The following QKI variants were observed in gnomAD, a reference collection of about 807,000 sequenced individuals.
QKI encodes KH domain-containing RNA-binding protein QKI.
A neutral mutation model predicts 39.0 loss-of-function variants in QKI; 10 were observed. The ratio of observed to expected loss-of-function variants is 0.26; its 90% CI spans 0.16 to 0.43. The LOEUF (loss-of-function observed/expected upper bound fraction) is 0.43, where lower values mean the gene tolerates loss of function less well. QKI is among the 20% of genes least tolerant of loss of function. The probability of loss-of-function intolerance (pLI) is 1.00; values close to 1 mark genes in which losing one functional copy is unlikely to be tolerated. For synonymous variants in QKI, 204 were observed against 155.4 expected (o/e 1.31, Z -2.33); for missense variants, 218 against 428.0 (o/e 0.51, Z 4.33).
intron 7 of QKI, chr6:163,570,000 G>T (rs973093694): frequency 1.7e-5 from 17 of 986,140 alleles, no homozygotes; most frequent in African/African-American, 3.5e-5. Flanking sequence ...AGTGCAAAAG[G>T]CCTGGCCATT....
At chr6:163,456,070 T>C (rs1790886437) in intron 2 of QKI, among the ~76,000 whole-genome samples, 1 of 152,226 alleles carries the variant, frequency 6.6e-6, no homozygotes, top group Admixed American at 6.5e-5. Flanking sequence ...TCTTTTGGCT[T>C]TTAGAATAAG....
chr6:163,417,180 C>T (rs1342046585), intron 1 of QKI, among the ~76,000 whole-genome samples: 1 of 152,070 alleles, frequency 6.6e-6, no homozygotes, highest in Non-Finnish European at 1.5e-5. Context: ...AAATAACACT[C>T]TTACTGTCTT....
chr6:163,460,333 G>A (rs1394343983), intron 2 of QKI, among the ~76,000 whole-genome samples: 1 of 152,218 alleles, frequency 6.6e-6, no homozygotes, highest in African/African-American at 2.4e-5. Context: ...CAAAGGTTTT[G>A]TAAGACAGAC....
At chr6:163,521,179 T>C (rs767078740) in intron 3 of QKI, among the ~76,000 whole-genome samples, 17 of 152,136 alleles carry the variant, frequency 1.1e-4, no homozygotes, top group Non-Finnish European at 2.4e-4. Context: ...CATCCGAATA[T>C]CAGCCCATGA....
intron 1 of QKI, among the ~76,000 whole-genome samples, chr6:163,445,514 T>A (rs186771913): frequency 1.3e-5 from 2 of 152,350 alleles, no homozygotes; most frequent in East Asian, 3.9e-4. Flanking sequence ...TGGGTTTGTT[T>A]GATGTGTTCT....
At chr6:163,462,989 C>T (rs1562457532) in intron 2 of QKI, among the ~76,000 whole-genome samples, 1 of 152,120 alleles carries the variant, frequency 6.6e-6, no homozygotes, top group Non-Finnish European at 1.5e-5. Context: ...ATCAGTAAAA[C>T]ATATGAAAAT....
chr6:163,447,865 A>G (rs2128217296), intron 1 of QKI, among the ~76,000 whole-genome samples: 1 of 152,228 alleles, frequency 6.6e-6, no homozygotes, highest in South Asian at 2.1e-4. Context: ...CTACTCTCCT[A>G]ATAGGTGATT....
intron 3 of QKI, among the ~76,000 whole-genome samples, chr6:163,520,343 G>A (rs1780071872): frequency 6.6e-6 from 1 of 152,026 alleles, no homozygotes; most frequent in Admixed American, 6.6e-5. Context: ...ATAATGTATA[G>A]AATATGTAAA....
rs2128254910 is a variant in QKI, at chr6:163,576,672, A to C, written c.*5962A>C. ...TGAAATGCAATAAACCAACTGGAAA[A>C]AGTGCATGTGCTTCATCCTCTCAAG... On this transcript the variant is annotated 3_prime_UTR_variant, in exon 8 of 8. Coordinates refer to ENST00000361752, the MANE Select transcript of QKI (RefSeq NM_006775.3). 1 of 152,272 alleles carries C rather than the reference A, an allele frequency of 6.6e-6. No homozygotes were observed. Among genetic ancestry groups the C allele is most frequent in the East Asian group, 1.9e-4 (1 of 5,188 alleles). The allele number at this position is 152,272 out of a possible 1,614,324, so 9.4% of individuals were successfully genotyped here.
At position 163,534,768 on chromosome 6, in the gene QKI, T is replaced by C. The variant is rs561429259; in HGVS notation, c.403-214T>C. Among the ~76,000 whole-genome samples the C allele has an allele frequency of 3.9e-5, 6 of 152,338 alleles. No individual in the cohort carries two copies. The East Asian group carries it at 1.2e-3, about 29-fold the overall frequency. ...TCTGTGCCTGGTAGATAGTAAGTGC[T>C]CAGTAAATACTTGTTGGATTAATTA... is the stretch of plus-strand genomic sequence containing the variant. On this transcript the variant is annotated intron_variant, in intron 3 of 7. Transcript: ENST00000361752.
chr6:163,540,298 T>G (rs1781433950), intron 4 of QKI, among the ~76,000 whole-genome samples: 1 of 152,090 alleles, frequency 6.6e-6, no homozygotes, highest in South Asian at 2.1e-4. Context: ...CATAAGGAAA[T>G]GTAATAAGTA....
At chr6:163,462,364 T>C (rs1173232563) in intron 2 of QKI, among the ~76,000 whole-genome samples, 2 of 152,206 alleles carry the variant, frequency 1.3e-5, no homozygotes, top group East Asian at 1.9e-4. Flanking sequence ...AACACTGCTT[T>C]TCCCAAGTCC....
chr6:163,556,012 G>C (rs1040909162), intron 4 of QKI, among the ~76,000 whole-genome samples: 2 of 152,208 alleles, frequency 1.3e-5, no homozygotes, highest in Non-Finnish European at 2.9e-5. Flanking sequence ...TTGGAAGCCA[G>C]GTTTGCAATG....
At chr6:163,447,909 C>T (rs925152574) in intron 1 of QKI, among the ~76,000 whole-genome samples, 4 of 152,016 alleles carry the variant, frequency 2.6e-5, no homozygotes, top group Admixed American at 6.6e-5. Context: ...AACATGAAAG[C>T]GAAATAGTCC....
intron 3 of QKI, 172 bp from the exon 4 acceptor site, chr6:163,534,810 T>C (rs1270997437): frequency 5.8e-6 from 3 of 515,438 alleles, no homozygotes; most frequent in Non-Finnish European, 1.0e-5. Flanking sequence ...GACCCAGTAG[T>C]CTCACATTCA....
chr6:163,479,049 G>C (rs931634431), intron 3 of QKI, among the ~76,000 whole-genome samples, 153 bp downstream of exon 3: 9 of 152,156 alleles, frequency 5.9e-5, no homozygotes, highest in African/African-American at 2.2e-4. Context: ...ACTTTGGGAG[G>C]CCGAGGCAGG....
chr6:163,466,710 A>G (rs1791785683), intron 2 of QKI, among the ~76,000 whole-genome samples: 1 of 152,198 alleles, frequency 6.6e-6, no homozygotes, highest in African/African-American at 2.4e-5. Context: ...TACACCGTAC[A>G]TAAAAATTTA....
intron 1 of QKI, among the ~76,000 whole-genome samples, chr6:163,452,873 G>A (rs566962677): frequency 3.1e-4 from 47 of 151,940 alleles, no homozygotes; most frequent in African/African-American, 1.1e-3. Flanking sequence ...GATTACAGGC[G>A]TCTGCCACCA....
At position 163,574,821 on chromosome 6, in the gene QKI, C is replaced by T. The variant is rs1583244937; in HGVS notation, c.*4111C>T. ...TTTGCATTTGTAAATAACAATTTAT[C>T]TTTGTAAATTACATTTTATTTATTT... On this transcript the variant is annotated 3_prime_UTR_variant, in exon 8 of 8. Transcript: ENST00000361752. 6.6e-6 allele frequency: 1 copy of T among 152,106 alleles called. No individual in the cohort carries two copies. The highest frequency in any genetic ancestry group is 2.4e-5 in the African/African-American group (1 of 41,422). The allele number at this position is 152,106 out of a possible 1,614,324, so 9.4% of individuals were successfully genotyped here.
Sources: gnomAD v4.1 joint callset for allele counts (sites outside exome capture counted in the v4.1 genomes callset) on GRCh38, gnomAD v4.1.1 for gene constraint, MANE v1.5 for transcripts, NCBI Gene and HGNC (gene_info 2026-07-23, HGNC 2026-07-21) for gene names.